The following CSMD3 variants were observed in gnomAD, a reference collection of about 807,000 sequenced individuals.
CSMD3 encodes the protein CUB and sushi domain-containing protein 3.
CSMD3 carries 177 observed loss-of-function variants against 435.2 expected under a neutral mutation model. The observed-to-expected ratio is 0.41, with a 90% CI of 0.36 to 0.46. The LOEUF (loss-of-function observed/expected upper bound fraction) is 0.46. Ranked by LOEUF, CSMD3 falls within the 20% of genes least tolerant of loss-of-function variation. The probability of loss-of-function intolerance (pLI) is 0.34; values close to 1 mark genes in which losing one functional copy is unlikely to be tolerated. For synonymous variants in CSMD3, 1,656 were observed against 1,520.5 expected, an observed-to-expected ratio of 1.09 and a Z score of -2.07; for missense variants, 4,265 against 4,504.6, an observed-to-expected ratio of 0.95 and a Z score of 1.52.
intron 55 of CSMD3, 110 bp downstream of exon 55, chr8:112,292,427 A>T: frequency 2.9e-6 from 3 of 1,019,046 alleles, no homozygotes; most frequent in Admixed American, 1.8e-5. Flanking sequence ...TTTTTGTTTT[A>T]TTAGATAAAA....
intron 46 of CSMD3, 49 bp downstream of exon 46, chr8:112,319,852 T>G (rs1304634106): frequency 7.6e-7 from 1 of 1,323,476 alleles, no homozygotes; most frequent in Non-Finnish European, 1.1e-6. Flanking sequence ...TTTAAGCAAA[T>G]AGTTCTGCCA....
intron 16 of CSMD3, among the ~76,000 whole-genome samples, chr8:112,679,854 C>A (rs1157906118): frequency 6.6e-6 from 1 of 152,096 alleles, no homozygotes; most frequent in African/African-American, 2.4e-5. Context: ...CAGATAATGT[C>A]ATTTCCCAGC....
intron 9 of CSMD3, among the ~76,000 whole-genome samples, chr8:112,942,254 T>G (rs1351874991): frequency 6.9e-6 from 1 of 144,454 alleles, no homozygotes; most frequent in Non-Finnish European, 1.5e-5. Flanking sequence ...AAAAAAAAAC[T>G]GTCAACGGCT....
chr8:113,109,728 T>C (rs1350178186), intron 4 of CSMD3, among the ~76,000 whole-genome samples: 2 of 152,254 alleles, frequency 1.3e-5, no homozygotes, highest in East Asian at 1.9e-4. Context: ...CCCAACAGTC[T>C]ACTGGTCTGG....
chr8:112,384,803 G>GT (rs1475215046), intron 36 of CSMD3, among the ~76,000 whole-genome samples: 1 of 152,158 alleles, frequency 6.6e-6, no homozygotes, highest in Non-Finnish European at 1.5e-5. Flanking sequence ...AAGTAAAGCC[G>GT]TATGATTGTA....
intron 4 of CSMD3, among the ~76,000 whole-genome samples, chr8:113,126,701 A>G (rs1480437342): frequency 6.6e-6 from 1 of 151,900 alleles, no homozygotes; most frequent in Non-Finnish European, 1.5e-5. Flanking sequence ...TGGGTGGGCT[A>G]TACCACTCCT....
chr8:113,078,975 A>T (rs1464538311), intron 5 of CSMD3, among the ~76,000 whole-genome samples: 1 of 152,176 alleles, frequency 6.6e-6, no homozygotes, highest in African/African-American at 2.4e-5. Context: ...AAGATTATTG[A>T]AGCAACACCT....
rs1233152268 is a variant in CSMD3 at position 112,336,813 on chromosome 8, A to G, written c.6858T>C (p.Asn2286=). The G allele has an allele frequency of 6.2e-7, 1 of 1,612,978 alleles. No individual in the cohort carries two copies. Among genetic ancestry groups the G allele is most frequent in the Admixed American group, 1.7e-5 (1 of 60,014 alleles). The part of the protein sequence containing the change: ...LPRCEALCGG[N]ITAMNGTIYS... ...AAATGGTGCCATTCATTGCAGTTAT[A>G]TTCCCACCACAAAGAGCTACGGAAA... The change falls in exon 44 of 71, where the codon AAT becomes AAC. Residue 2286 remains asparagine, a synonymous_variant. Transcript: ENST00000297405.
intron 2 of CSMD3, among the ~76,000 whole-genome samples, chr8:113,283,393 G>GA (rs760422738): frequency 3.7e-4 from 56 of 151,692 alleles, no homozygotes; most frequent in African/African-American, 6.8e-4. Flanking sequence ...AGAAAAAAAA[G>GA]AAAAAATCCC....
chr8:112,974,691 G>A (rs72682191), intron 7 of CSMD3, among the ~76,000 whole-genome samples: 3,354 of 151,816 alleles, frequency 0.022, 59 homozygotes, highest in South Asian at 0.031. Context: ...ATTTTAGAAT[G>A]TGCCTCATTA....
intron 27 of CSMD3, 44 bp from the exon 28 acceptor site, chr8:112,517,269 A>G (rs1259275812): frequency 7.0e-7 from 1 of 1,436,824 alleles, no homozygotes; most frequent in African/African-American, 1.4e-5. Context: ...ATAACTACCA[A>G]AATCAATTTC....
At chr8:112,757,201 G>A (rs1029927985) in intron 13 of CSMD3, among the ~76,000 whole-genome samples, 3 of 152,048 alleles carry the variant, frequency 2.0e-5, no homozygotes, top group Non-Finnish European at 4.4e-5. Context: ...GGATAATAAT[G>A]CAACACATTG....
intron 1 of CSMD3, among the ~76,000 whole-genome samples, chr8:113,427,226 T>C (rs1157033732): frequency 1.3e-5 from 2 of 151,418 alleles, no homozygotes; most frequent in Non-Finnish European, 3.0e-5. Flanking sequence ...AATGCTAAAT[T>C]TGAGCACTTA....
chr8:112,310,676 C>G (rs1198243897), intron 50 of CSMD3: 3 of 427,254 alleles, frequency 7.0e-6, no homozygotes, highest in African/African-American at 4.0e-5. Context: ...GTCTTCCTCT[C>G]TTTCAATAAT....
intron 10 of CSMD3, among the ~76,000 whole-genome samples, chr8:112,899,692 C>T (rs1200068513): frequency 2.2e-5 from 3 of 133,830 alleles, no homozygotes; most frequent in African/African-American, 5.5e-5. Flanking sequence ...CACACACACA[C>T]GTATATAGCC....
At chr8:112,579,174 CTAATTTGGT>C (rs1830159791) in intron 23 of CSMD3, among the ~76,000 whole-genome samples, 2 of 151,950 alleles carry the variant, frequency 1.3e-5, no homozygotes, top group South Asian at 4.1e-4. Context: ...ATATGAGCAA[CTAATTTGGT>C]TAATTAAATA....
intron 5 of CSMD3, among the ~76,000 whole-genome samples, chr8:113,032,954 T>C (rs1303403214): frequency 6.6e-6 from 1 of 151,564 alleles, no homozygotes; most frequent in Non-Finnish European, 1.5e-5. Flanking sequence ...CTTGGGCCAT[T>C]GCTTCAAATG....
At chr8:112,635,641 G>C (rs953467352) in intron 22 of CSMD3, among the ~76,000 whole-genome samples, 1 of 151,996 alleles carries the variant, frequency 6.6e-6, no homozygotes, top group Non-Finnish European at 1.5e-5. Context: ...GATTTTTAAA[G>C]AGAAATTTCA....
chr8:112,970,035 T>C (rs1380987712), intron 7 of CSMD3, among the ~76,000 whole-genome samples: 1 of 151,982 alleles, frequency 6.6e-6, no homozygotes, highest in African/African-American at 2.4e-5. Context: ...TCAATACTAG[T>C]CTAAGACTGG....
Sources: allele counts gnomAD v4.1 joint callset (sites outside exome capture counted in the v4.1 genomes callset), GRCh38; gene constraint gnomAD v4.1.1; transcripts MANE v1.5; gene names NCBI Gene and HGNC (gene_info 2026-07-23, HGNC 2026-07-21).